The following SIK2 variants were observed in gnomAD, a reference collection of about 807,000 sequenced individuals.
SIK2 encodes the protein serine/threonine-protein kinase SIK2.
Under a neutral mutation model 103.2 loss-of-function variants are expected in SIK2, and 29 were observed. The observed-to-expected ratio is 0.28, with a 90% CI of 0.21 to 0.38. The LOEUF (loss-of-function observed/expected upper bound fraction) is 0.38. SIK2 is among the 10% of genes least tolerant of loss of function. The probability of loss-of-function intolerance (pLI) is 1.00; values close to 1 mark genes in which losing one functional copy is unlikely to be tolerated. For synonymous variants in SIK2, 412 were observed against 446.1 expected, an observed-to-expected ratio of 0.92 and a Z score of 0.96; for missense variants, 879 against 1,171.0, an observed-to-expected ratio of 0.75 and a Z score of 3.64.
chr11:111,664,833 T>G (rs111886737), intron 3 of SIK2, among the ~76,000 whole-genome samples: 2,690 of 152,226 alleles, frequency 0.018, 79 homozygotes, highest in African/African-American at 0.061. Context: ...ACAGCGGAAC[T>G]CTTAGTACTG....
chr11:111,614,392 C>G (rs560709809), intron 1 of SIK2, among the ~76,000 whole-genome samples: 7 of 152,186 alleles, frequency 4.6e-5, no homozygotes, highest in African/African-American at 1.2e-4. Flanking sequence ...CCTGACTCCC[C>G]CAAAATTTAA....
At position 111,730,730 on chromosome 11, in the gene SIK2, G is replaced by T. The variant is rs1039675117; in HGVS notation, c.*6601G>T. ...TTAATGTTAGAAAATTGCCTAAAAT[G>T]CAGTGTAATAAATAATCTCTGTACC... On this transcript the variant is annotated 3_prime_UTR_variant, in exon 15 of 15. Transcript: ENST00000304987. 1.3e-5 allele frequency: 2 copies of T among 151,982 alleles called. No homozygotes were observed. The highest frequency in any genetic ancestry group is 2.9e-5 in the Non-Finnish European group (2 of 68,014). 9.4% of individuals were successfully genotyped at this position (151,982 alleles called of 1,614,324 possible).
At chr11:111,645,938 T>G (rs1942250232) in intron 3 of SIK2, among the ~76,000 whole-genome samples, 1 of 152,186 alleles carries the variant, frequency 6.6e-6, no homozygotes, top group South Asian at 2.1e-4. Context: ...AATTTTTTAT[T>G]TCTTGACCTT....
At position 111,723,725 on chromosome 11, in the gene SIK2, C is replaced by A. The variant is rs767190064; in HGVS notation, c.2377C>A (p.Gln793Lys). 2.7e-5 allele frequency: 43 copies of A among 1,614,058 alleles called. No homozygotes were observed. The highest frequency in any genetic ancestry group is 3.6e-5 in the Non-Finnish European group (42 of 1,180,054). The change falls in exon 15 of 15, where the codon CAG (glutamine) becomes AAG (lysine). Residue 793 changes from glutamine (Q) to lysine (K), a missense_variant. Gln to Lys is a moderately conservative substitution (Grantham distance 53, BLOSUM62 1). Around this residue, in one of 7 missense-constraint regions of SIK2, gnomAD observed 375 missense variants for 416.3 expected, o/e 0.90. Coordinates refer to ENST00000304987, the MANE Select transcript of SIK2 (RefSeq NM_015191.3). ...EQMQYSPFLS[Q>K]YQEMQLQPLP... ...GATGCAATACAGCCCTTTCCTCAGC[C>A]AGTACCAAGAGATGCAGCTTCAGCC...
At chr11:111,642,371 A>G (rs1942194349) in intron 3 of SIK2, among the ~76,000 whole-genome samples, 2 of 152,064 alleles carry the variant, frequency 1.3e-5, no homozygotes, top group Non-Finnish European at 2.9e-5. Context: ...ATGACTCTCT[A>G]CTCAGGTTCT....
chr11:111,620,496 G>C, intron 3 of SIK2, 94 bp downstream of exon 3: 1 of 778,364 alleles, frequency 1.3e-6, no homozygotes, highest in South Asian at 1.8e-5. Context: ...TTATTTAAGT[G>C]TTGGTAATAT....
chr11:111,720,481 A>G lies in SIK2; in HGVS notation c.1499A>G (p.Lys500Arg). ...TCTGTTCTGTTTTCTCTTAAAGGGA[A>G]AATTTTCTCCATGAATGACAGCCCC... The part of the protein sequence containing the change: ...NQLVVMPGAG[K>R]IFSMNDSPSL... Residue 500 changes from lysine (K) to arginine (R), a missense_variant, in exon 11 of 15, where the codon AAA becomes AGA. Physicochemically the swap from Lys to Arg is conservative, Grantham distance 26. This residue lies in a region of SIK2 where 222 missense variants were observed against 258.0 expected (regional missense o/e 0.86). Transcript: ENST00000304987. The G allele has an allele frequency of 6.3e-7, 1 of 1,597,516 alleles. No individual in the cohort carries two copies. Among genetic ancestry groups the G allele is most frequent in the Non-Finnish European group, 8.5e-7 (1 of 1,172,614 alleles).
chr11:111,679,491 G>A (rs774127856), intron 3 of SIK2, among the ~76,000 whole-genome samples: 18 of 152,156 alleles, frequency 1.2e-4, no homozygotes, highest in Non-Finnish European at 2.4e-4. Context: ...AAATGATTAT[G>A]TGCTTACAAA....
Position 111,726,770 on chromosome 11 carries a change from T to A in SIK2, c.*2641T>A. The A allele has an allele frequency of 1.7e-6, 1 of 595,304 alleles. No individual in the cohort carries two copies. The highest frequency in any genetic ancestry group is 3.0e-6 in the Non-Finnish European group (1 of 332,372). 36.9% of individuals were successfully genotyped at this position (595,304 alleles called of 1,614,324 possible). On this transcript the variant is annotated 3_prime_UTR_variant, in exon 15 of 15. Transcript: ENST00000304987. Reference sequence around the variant, plus strand: ...CTTTTTCTGCGGGGCTACTCTGAAGTACTGACTTGCTTTCCAGTCTGATTC... The same window carrying A: ...CTTTTTCTGCGGGGCTACTCTGAAGAACTGACTTGCTTTCCAGTCTGATTC...
chr11:111,724,433 G>C lies in SIK2; in HGVS notation c.*304G>C, dbSNP rs372651064. The C allele has an allele frequency of 4.0e-5, 16 of 404,922 alleles. No homozygotes were observed. Among genetic ancestry groups the C allele is most frequent in the South Asian group, 3.7e-4 (11 of 29,662 alleles). 25.1% of individuals were successfully genotyped at this position (404,922 alleles called of 1,614,324 possible). On this transcript the variant is annotated 3_prime_UTR_variant, in exon 15 of 15. Coordinates refer to ENST00000304987, the MANE Select transcript of SIK2 (RefSeq NM_015191.3). ...AAATGTGTTCCTAAGAAGACATTCAGACCCAGGTGTTATGCAGGATTACAT... is the reference window on the plus strand; with the variant it reads ...AAATGTGTTCCTAAGAAGACATTCACACCCAGGTGTTATGCAGGATTACAT...
At position 111,721,943 on chromosome 11, in the gene SIK2, G is replaced by A; in HGVS notation, c.2055+3G>A. On this transcript the variant is annotated splice_donor_region_variant and intron_variant, in intron 13 of 14. Transcript: ENST00000304987. The stretch of plus-strand genomic sequence containing the variant: ...AGTACCTGCAGCACAGACTCCAGGT[G>A]GGTCCTTCTCCTTGCGAGTCCACCT... 1 of 1,587,738 alleles carries A rather than the reference G, an allele frequency of 6.3e-7. No individual in the cohort carries two copies. The highest frequency in any genetic ancestry group is 2.3e-5 in the East Asian group (1 of 44,184).
intron 12 of SIK2, 50 bp downstream of exon 12, chr11:111,721,112 A>T: frequency 1.3e-6 from 2 of 1,559,442 alleles, no homozygotes; most frequent in Non-Finnish European, 1.7e-6. Context: ...ATGAGGTGTG[A>T]GTTTGTCCTG....
intron 2 of SIK2, among the ~76,000 whole-genome samples, chr11:111,617,861 T>TAC (rs141114587): frequency 0.01 from 1,543 of 148,234 alleles, 20 homozygotes; most frequent in African/African-American, 0.03. Context: ...TATATATATA[T>TAC]ACACACACAC....
At chr11:111,704,306 G>A (rs138667800) in intron 7 of SIK2, among the ~76,000 whole-genome samples, 2 of 152,202 alleles carry the variant, frequency 1.3e-5, no homozygotes, top group African/African-American at 4.8e-5. Context: ...CACCCATGCC[G>A]ACTGTCAGGT....
rs775655020 is a variant in SIK2 at position 111,719,785 on chromosome 11, G to T, written c.1277G>T (p.Cys426Phe). ...TCCCCTGGCGTTTAGGTCAATGGCTGTCTGCTTGACCCTGTGCCTCCTGTC... is the reference window on the plus strand; with the variant it reads ...TCCCCTGGCGTTTAGGTCAATGGCTTTCTGCTTGACCCTGTGCCTCCTGTC... ...ECVDTPKVNGCLLDPVPPVLV... is the reference protein window; with the variant it reads ...ECVDTPKVNGFLLDPVPPVLV... The change falls in exon 10 of 15, where the codon TGT becomes TTT. Residue 426 changes from cysteine to phenylalanine, a missense_variant. Transcript: ENST00000304987. 1 of 1,613,142 alleles carries T rather than the reference G, an allele frequency of 6.2e-7. No homozygotes were observed. Among genetic ancestry groups the T allele is most frequent in the Non-Finnish European group, 8.5e-7 (1 of 1,179,830 alleles).
intron 1 of SIK2, among the ~76,000 whole-genome samples, chr11:111,612,025 A>G (rs947709956): frequency 1.2e-4 from 19 of 152,046 alleles, no homozygotes; most frequent in Non-Finnish European, 2.4e-4. Context: ...TTACATACCT[A>G]TTAAATTGTT....
At chr11:111,721,630 G>A (rs1236102034) in intron 12 of SIK2, among the ~76,000 whole-genome samples, 200 bp from the exon 13 acceptor site, 1 of 152,202 alleles carries the variant, frequency 6.6e-6, no homozygotes, top group African/African-American at 2.4e-5. Flanking sequence ...CTAGGTAATT[G>A]TTAACTAGAG....
At position 111,720,616 on chromosome 11, in the gene SIK2, C is replaced by T; in HGVS notation, c.1634C>T (p.Ser545Leu). Residue 545 changes from serine to leucine, a missense_variant, in exon 11 of 15, where the codon TCA becomes TTA. Transcript: ENST00000304987. ...GACATCATGTTAGCCAATCAGCCTT[C>T]ACCCCGCATGACATCTCCCTTCATA... is the stretch of plus-strand genomic sequence containing the variant. ...LKDIMLANQPSPRMTSPFISL... is the reference protein window; with the variant it reads ...LKDIMLANQPLPRMTSPFISL... The T allele has an allele frequency of 1.2e-6, 2 of 1,614,108 alleles. No individual in the cohort carries two copies. The highest frequency in any genetic ancestry group is 1.7e-6 in the Non-Finnish European group (2 of 1,180,024).
At chr11:111,675,178 C>G (rs759437395) in intron 3 of SIK2, among the ~76,000 whole-genome samples, 1 of 152,186 alleles carries the variant, frequency 6.6e-6, no homozygotes, top group Non-Finnish European at 1.5e-5. Flanking sequence ...CAGATCTACT[C>G]CTCATGTCCC....
Sources: gnomAD v4.1 joint callset for allele counts (sites outside exome capture counted in the v4.1 genomes callset) on GRCh38, gnomAD v4.1.1 for gene constraint, gnomAD v4.1.1 regional missense constraint, MANE v1.5 for transcripts, NCBI Gene and HGNC (gene_info 2026-07-23, HGNC 2026-07-21) for gene names.